The following ARHGAP18 variants were observed in gnomAD, a reference collection of about 807,000 sequenced individuals.
ARHGAP18 encodes the protein Rho GTPase activating protein 18, also known as rho GTPase-activating protein 18.
ARHGAP18 carries 67 observed loss-of-function variants against 86.2 expected under a neutral mutation model. The observed-to-expected ratio is 0.78, with a 90% confidence interval of 0.64 to 0.95. ARHGAP18 has a LOEUF of 0.95. Ranked by LOEUF, ARHGAP18 falls within the 40% of genes least tolerant of loss-of-function variation. The probability of loss-of-function intolerance (pLI) is 0.00; values close to 1 mark genes in which losing one functional copy is unlikely to be tolerated. For synonymous variants in ARHGAP18, 283 were observed against 280.4 expected, an observed-to-expected ratio of 1.01 and a Z score of -0.09; for missense variants, 691 against 780.4, an observed-to-expected ratio of 0.89 and a Z score of 1.37.
intron 3 of ARHGAP18, 36 bp from the exon 4 acceptor site, chr6:129,634,141 A>T: frequency 1.9e-6 from 3 of 1,579,730 alleles, no homozygotes; most frequent in Non-Finnish European, 2.6e-6. Context: ...GTCATCTCCA[A>T]CTCAAAACCA....
chr6:129,646,950 A>C (rs1773592401), intron 1 of ARHGAP18, among the ~76,000 whole-genome samples: 1 of 152,204 alleles, frequency 6.6e-6, no homozygotes, highest in Non-Finnish European at 1.5e-5. Context: ...AATGGGTCTG[A>C]AAATGCACGT....
intron 7 of ARHGAP18, among the ~76,000 whole-genome samples, chr6:129,614,286 C>G (rs1338161905): frequency 6.6e-6 from 1 of 152,064 alleles, no homozygotes; most frequent in African/African-American, 2.4e-5. Flanking sequence ...CAGATATGAC[C>G]TAATTGAGTT....
chr6:129,696,072 T>C (rs1774611899), intron 1 of ARHGAP18, among the ~76,000 whole-genome samples: 1 of 152,230 alleles, frequency 6.6e-6, no homozygotes, highest in East Asian at 1.9e-4. Context: ...TAAATGTAAC[T>C]ACTGTACTGG....
intron 1 of ARHGAP18, among the ~76,000 whole-genome samples, chr6:129,663,260 AC>A (rs2114520912): frequency 6.6e-6 from 1 of 152,356 alleles, no homozygotes; most frequent in African/African-American, 2.4e-5. Flanking sequence ...TCTAAGCTTC[AC>A]AGCTGACTCA....
intron 5 of ARHGAP18, among the ~76,000 whole-genome samples, chr6:129,628,030 A>C (rs1350647389): frequency 6.6e-6 from 1 of 152,118 alleles, no homozygotes. Flanking sequence ...TGGGCTAATG[A>C]ATGTTGGGGC....
At chr6:129,580,944 C>G (rs1440915129) in intron 13 of ARHGAP18, among the ~76,000 whole-genome samples, 1 of 152,112 alleles carries the variant, frequency 6.6e-6, no homozygotes, top group Non-Finnish European at 1.5e-5. Flanking sequence ...CACAGACCCT[C>G]AGAGTGGAAG....
rs971780596 is a variant in ARHGAP18 at position 129,616,372 on chromosome 6, G to C, written c.953-69C>G. On this transcript the variant is annotated intron_variant, in intron 6 of 14. Coordinates refer to ENST00000368149, the MANE Select transcript of ARHGAP18 (RefSeq NM_033515.3). ...AAAATATTAATATAAAAATGTTAAA[G>C]CATAAGATTTCTGATACTGTCGATC... The C allele has an allele frequency of 8.7e-5, 110 of 1,263,056 alleles. No homozygotes were observed. In the South Asian group the frequency reaches 1.4e-3, roughly 16 times the overall value. 78.2% of individuals were successfully genotyped at this position (1,263,056 alleles called of 1,614,324 possible). A position where few individuals can be genotyped will look rare whatever the true frequency, so the allele number is the denominator to read the frequency against.
intron 1 of ARHGAP18, among the ~76,000 whole-genome samples, chr6:129,670,448 C>A (rs1774122737): frequency 6.6e-6 from 1 of 152,022 alleles, no homozygotes; most frequent in Non-Finnish European, 1.5e-5. Context: ...AACAATGTGC[C>A]CATTAAAATG....
intron 12 of ARHGAP18, chr6:129,598,841 T>C (rs1382083437): frequency 6.5e-6 from 1 of 153,554 alleles, no homozygotes; most frequent in Non-Finnish European, 1.4e-5. Flanking sequence ...GAAAAAAATG[T>C]CAGTGGTTCA....
intron 8 of ARHGAP18, among the ~76,000 whole-genome samples, chr6:129,610,600 T>C (rs1042376088): frequency 3.3e-5 from 5 of 152,084 alleles, no homozygotes; most frequent in Non-Finnish European, 7.4e-5. Context: ...AGGTCCCCCA[T>C]CTGCAGGAGT....
intron 1 of ARHGAP18, among the ~76,000 whole-genome samples, chr6:129,687,780 T>A (rs1344009671): frequency 3.0e-5 from 3 of 99,224 alleles, no homozygotes; most frequent in Non-Finnish European, 2.3e-5. Flanking sequence ...AGTTCAATAG[T>A]AACCAAACAT....
At chr6:129,655,488 C>A (rs541934778) in intron 1 of ARHGAP18, among the ~76,000 whole-genome samples, 1 of 152,026 alleles carries the variant, frequency 6.6e-6, no homozygotes, top group Admixed American at 6.6e-5. Flanking sequence ...GTGTAGATGA[C>A]AGCATCAAAA....
chr6:129,593,243 T>C (rs1411209067), intron 12 of ARHGAP18, among the ~76,000 whole-genome samples: 1 of 152,174 alleles, frequency 6.6e-6, no homozygotes, highest in East Asian at 1.9e-4. Flanking sequence ...GAGGATCGCT[T>C]CATGCCAGGA....
At chr6:129,581,522 G>T (rs1788288854) in intron 13 of ARHGAP18, among the ~76,000 whole-genome samples, 1 of 152,086 alleles carries the variant, frequency 6.6e-6, no homozygotes, top group Admixed American at 6.6e-5. Context: ...TTGATTTAAA[G>T]AAAAACATCT....
At chr6:129,588,073 G>A (rs1385936471) in intron 12 of ARHGAP18, among the ~76,000 whole-genome samples, 1 of 151,594 alleles carries the variant, frequency 6.6e-6, no homozygotes, top group African/African-American at 2.4e-5. Flanking sequence ...AAACAAGGGG[G>A]CTACAGGCCC....
chr6:129,706,020 C>T lies in ARHGAP18; in HGVS notation c.113+4004G>A, dbSNP rs528249143. Among the ~76,000 whole-genome samples the T allele has an allele frequency of 1.3e-4, 20 of 152,290 alleles. No homozygotes were observed. In the East Asian group the frequency reaches 3.9e-3, roughly 29 times the overall value. ...AAGACCTTACATGATGAATGCCATA[C>T]ATTTATTCAGAGAAGGCATAAAAAT... On this transcript the variant is annotated intron_variant, in intron 1 of 14. Transcript: ENST00000368149.
chr6:129,692,804 T>C (rs544897396), intron 1 of ARHGAP18, among the ~76,000 whole-genome samples: 3 of 152,178 alleles, frequency 2.0e-5, no homozygotes, highest in Non-Finnish European at 4.4e-5. Flanking sequence ...CGCCTAAAAA[T>C]GGAGAAGCTC....
At position 129,618,705 on chromosome 6, in the gene ARHGAP18, C is replaced by G. The variant is rs1409129358; in HGVS notation, c.934G>C (p.Val312Leu). Residue 312 changes from valine (V) to leucine (L), a missense_variant, in exon 6 of 15, where the codon GTG becomes CTG. Transcript: ENST00000368149. Reference sequence around the variant, plus strand: ...TGATTACCTTTTGTTTTGATTTTCACAGCTTTTTGTTGTTTCAGCTCAATA... The same window carrying G: ...TGATTACCTTTTGTTTTGATTTTCAGAGCTTTTTGTTGTTTCAGCTCAATA... ...LGIELKQQKA[V>L]KIKTKDSGLF... 1 of 1,604,580 alleles carries G rather than the reference C, an allele frequency of 6.2e-7. No individual in the cohort carries two copies. Among genetic ancestry groups the G allele is most frequent in the Non-Finnish European group, 8.5e-7 (1 of 1,175,864 alleles).
intron 13 of ARHGAP18, 83 bp from the exon 14 acceptor site, chr6:129,580,214 G>A: frequency 8.1e-7 from 1 of 1,233,040 alleles, no homozygotes; most frequent in South Asian, 1.3e-5. Context: ...GGGAATTCTG[G>A]CTGGTATGGA....
Sources: allele counts gnomAD v4.1 joint callset (sites outside exome capture counted in the v4.1 genomes callset), GRCh38; gene constraint gnomAD v4.1.1; transcripts MANE v1.5; gene names NCBI Gene and HGNC (gene_info 2026-07-23, HGNC 2026-07-21).